Variants in PPP1R21 observed in about 807,000 individuals in gnomAD.
PPP1R21 encodes the protein protein phosphatase 1 regulatory subunit 21.
Under a neutral mutation model 112.8 loss-of-function variants are expected in PPP1R21, and 85 were observed. The ratio of observed to expected loss-of-function variants is 0.75; its 90% CI spans 0.63 to 0.90. The LOEUF (loss-of-function observed/expected upper bound fraction) is 0.90, where lower values mean the gene tolerates loss of function less well. PPP1R21 is among the 40% of genes least tolerant of loss of function. The probability of loss-of-function intolerance (pLI) is 0.00; values close to 1 mark genes in which losing one functional copy is unlikely to be tolerated. For synonymous variants in PPP1R21, 381 were observed against 322.3 expected, an observed-to-expected ratio of 1.18 and a Z score of -1.95; for missense variants, 1,199 against 901.5, an observed-to-expected ratio of 1.33 and a Z score of -4.23.
intron 16 of PPP1R21, among the ~76,000 whole-genome samples, 183 bp from the exon 17 acceptor site, chr2:48,498,310 C>T (rs1290087361): frequency 2.7e-5 from 4 of 150,478 alleles, no homozygotes; most frequent in Admixed American, 6.6e-5. Flanking sequence ...TTTAATTTCT[C>T]GATTTATGGT....
chr2:48,449,135 C>G (rs1667372571), intron 1 of PPP1R21, among the ~76,000 whole-genome samples: 1 of 151,986 alleles, frequency 6.6e-6, no homozygotes, highest in African/African-American at 2.4e-5. Context: ...TTTTACATCT[C>G]TCACCCATAT....
At chr2:48,476,923 A>G (rs1668783567) in intron 12 of PPP1R21, among the ~76,000 whole-genome samples, 1 of 151,990 alleles carries the variant, frequency 6.6e-6, no homozygotes, top group Non-Finnish European at 1.5e-5. Context: ...GTGTCCTTTG[A>G]GGAACAAAAA....
chr2:48,457,352 T>C (rs1253629695), intron 3 of PPP1R21, among the ~76,000 whole-genome samples: 1 of 152,188 alleles, frequency 6.6e-6, no homozygotes, highest in Non-Finnish European at 1.5e-5. Context: ...AATCACTGAT[T>C]CAAATTGGAT....
At chr2:48,458,833 C>T (rs1667842151) in intron 4 of PPP1R21, among the ~76,000 whole-genome samples, 2 of 152,120 alleles carry the variant, frequency 1.3e-5, no homozygotes, top group Admixed American at 1.3e-4. Flanking sequence ...TGTCTCATGC[C>T]TGTAATCCCA....
chr2:48,471,422 G>A, intron 11 of PPP1R21, 55 bp downstream of exon 11: 1 of 1,494,018 alleles, frequency 6.7e-7, no homozygotes, highest in Non-Finnish European at 9.0e-7. Flanking sequence ...AACCTGATCT[G>A]GCTGGCGTTA....
chr2:48,509,231 A>AG (rs1670523468), intron 19 of PPP1R21, among the ~76,000 whole-genome samples: 1 of 152,106 alleles, frequency 6.6e-6, no homozygotes, highest in Admixed American at 6.6e-5. Context: ...CATAATCTGT[A>AG]GGGTAGGATG....
intron 12 of PPP1R21, among the ~76,000 whole-genome samples, chr2:48,478,111 C>G (rs936262479): frequency 1.3e-5 from 2 of 152,182 alleles, no homozygotes; most frequent in Non-Finnish European, 2.9e-5. Context: ...CTAGGGCCAA[C>G]AGAAGCTGGA....
intron 17 of PPP1R21, among the ~76,000 whole-genome samples, chr2:48,501,720 G>A (rs1156353731): frequency 6.6e-5 from 10 of 151,972 alleles, no homozygotes; most frequent in Admixed American, 6.6e-4. Context: ...TGAAGCAGGA[G>A]GATTTTTGAG....
intron 11 of PPP1R21, among the ~76,000 whole-genome samples, chr2:48,473,351 T>C (rs1285372736): frequency 6.6e-6 from 1 of 152,218 alleles, no homozygotes; most frequent in African/African-American, 2.4e-5. Flanking sequence ...AATGTAACTT[T>C]GATTTGGCTT....
Position 48,460,163 on chromosome 2 carries a change from A to G in PPP1R21, c.599+10A>G. On this transcript the variant is annotated intron_variant, in intron 6 of 21. Transcript: ENST00000294952. ...TTCGAACGGAAGAATGGTATGTGGA[A>G]ACTTGAATTCCAAGAGGGTTCTGAA... 6.2e-7 allele frequency: 1 copy of G among 1,614,006 alleles called. No individual in the cohort carries two copies. The highest frequency in any genetic ancestry group is 8.5e-7 in the Non-Finnish European group (1 of 1,179,878).
At chr2:48,445,209 T>C (rs759170055) in intron 1 of PPP1R21, among the ~76,000 whole-genome samples, 4 of 151,136 alleles carry the variant, frequency 2.6e-5, no homozygotes, top group Non-Finnish European at 5.9e-5. Context: ...GAAAACAGGT[T>C]TGTGTTCAGT....
intron 4 of PPP1R21, among the ~76,000 whole-genome samples, chr2:48,459,453 GAGGTGC>G (rs1352304523): frequency 1.3e-5 from 2 of 152,164 alleles, no homozygotes; most frequent in Non-Finnish European, 2.9e-5. Context: ...TGAGAGGTAG[GAGGTGC>G]AGGCTTTGGA....
At chr2:48,469,261 TTGTGTGTGTGTG>T (rs745866100) in intron 9 of PPP1R21, among the ~76,000 whole-genome samples, 2 of 46,206 alleles carry the variant, frequency 4.3e-5, no homozygotes, top group Non-Finnish European at 9.2e-5. Context: ...TATATTTGAA[TTGTGTGTGTGTG>T]TGTGTGTGTG....
Position 48,454,714 on chromosome 2 carries a change from A to T in PPP1R21, c.246A>T (p.Leu82=). 1 of 1,614,134 alleles carries T rather than the reference A, an allele frequency of 6.2e-7. No homozygotes were observed. The highest frequency in any genetic ancestry group is 8.5e-7 in the Non-Finnish European group (1 of 1,179,970). ...AACTACTTCAAGATGAACTAGCTCT[A>T]AGTGAACCACGAGGCAAGAAAAACA... ...RVELLQDELA[L]SEPRGKKNKK... is the part of the protein sequence containing the mutation. Residue 82 remains leucine, a synonymous_variant, in exon 3 of 22, where the codon CTA becomes CTT. Transcript: ENST00000294952.
chr2:48,471,050 C>T lies in PPP1R21; in HGVS notation c.898-37C>T, dbSNP rs1668474819. 3 of 1,358,988 alleles carry T rather than the reference C, an allele frequency of 2.2e-6. No individual in the cohort carries two copies. The African/African-American group carries it at 4.3e-5, about 19-fold the overall frequency. The allele number at this position is 1,358,988 out of a possible 1,614,324, so 84.2% of individuals were successfully genotyped here. A position where few individuals can be genotyped will look rare whatever the true frequency, so the allele number is the denominator to read the frequency against. On this transcript the variant is annotated intron_variant, in intron 9 of 21. Coordinates refer to ENST00000294952, the MANE Select transcript of PPP1R21 (RefSeq NM_001135629.3). ...AAATGTGTTGATGTTTGTTATTTTC[C>T]AGTGATTTAATTCACAATACTTTCC...
At chr2:48,441,287 A>G (rs890506006) in intron 1 of PPP1R21, 1 of 520,594 alleles carries the variant, frequency 1.9e-6, no homozygotes, top group Non-Finnish European at 3.5e-6. Context: ...CTGGGATGTC[A>G]GAAATTCTGG....
chr2:48,454,928 T>C (rs1667652999), intron 3 of PPP1R21, among the ~76,000 whole-genome samples, 187 bp downstream of exon 3: 1 of 152,062 alleles, frequency 6.6e-6, no homozygotes, highest in Non-Finnish European at 1.5e-5. Flanking sequence ...CAACCTCTGC[T>C]CCCAGGCTCA....
intron 1 of PPP1R21, among the ~76,000 whole-genome samples, chr2:48,444,414 ATTTCTGACTTGCTGTTTC>A (rs923906513): frequency 1.3e-5 from 2 of 152,194 alleles, no homozygotes; most frequent in Non-Finnish European, 2.9e-5. Flanking sequence ...ATGAAAGACC[ATTTCTGACTTGCTGTTTC>A]TTCCATGACC....
intron 21 of PPP1R21, among the ~76,000 whole-genome samples, chr2:48,511,680 A>G (rs1670649370): frequency 6.7e-6 from 1 of 149,482 alleles, no homozygotes; most frequent in Non-Finnish European, 1.5e-5. Context: ...TGGGCAATAT[A>G]GTGATACTTC....
Sources: gnomAD v4.1 joint callset for allele counts (sites outside exome capture counted in the v4.1 genomes callset) on GRCh38, gnomAD v4.1.1 for gene constraint, MANE v1.5 for transcripts, NCBI Gene and HGNC (gene_info 2026-07-23, HGNC 2026-07-21) for gene names.